TMEFF2: variants seen among roughly 807,000 people sequenced by gnomAD.
The protein encoded by TMEFF2 is transmembrane protein with EGF like and two follistatin like domains 2, also known as tomoregulin-2.
Under a neutral mutation model 53.8 loss-of-function variants are expected in TMEFF2, and 28 were observed. The ratio of observed to expected loss-of-function variants is 0.52; its 90% CI spans 0.39 to 0.71. The LOEUF (loss-of-function observed/expected upper bound fraction) is 0.71, where lower values mean the gene tolerates loss of function less well. Among genes scored for constraint, TMEFF2 ranks in the 30% least tolerant of loss-of-function variants. TMEFF2 has a pLI of 0.00. For missense variants in TMEFF2, 353 were observed against 455.2 expected (o/e 0.78, Z 2.04); for synonymous variants, 162 against 166.3 (o/e 0.97, Z 0.20).
chr2:191,997,422 G>A (rs1686250048), intron 7 of TMEFF2, among the ~76,000 whole-genome samples: 2 of 151,606 alleles, frequency 1.3e-5, no homozygotes, highest in African/African-American at 4.8e-5. Flanking sequence ...ATAGATGGTA[G>A]TATATATTTT....
intron 4 of TMEFF2, among the ~76,000 whole-genome samples, chr2:192,096,628 T>G (rs982542453): frequency 6.7e-6 from 1 of 148,696 alleles, no homozygotes; most frequent in Non-Finnish European, 1.5e-5. Context: ...GCTATTTCTT[T>G]TTTTCTTTTC....
intron 4 of TMEFF2, among the ~76,000 whole-genome samples, chr2:192,169,980 T>A (rs4992104): frequency 0.66 from 99,825 of 151,370 alleles, 33,046 homozygotes; most frequent in African/African-American, 0.71. Flanking sequence ...GATGCACTAT[T>A]TAACTGTACT....
intron 7 of TMEFF2, among the ~76,000 whole-genome samples, chr2:191,969,105 A>G (rs1189948272): frequency 3.4e-5 from 5 of 148,898 alleles, no homozygotes; most frequent in Non-Finnish European, 5.9e-5. Flanking sequence ...GTTTGTGTAT[A>G]TATGTATGTA....
intron 4 of TMEFF2, among the ~76,000 whole-genome samples, chr2:192,175,923 A>G (rs1691030553): frequency 6.6e-6 from 1 of 151,526 alleles, no homozygotes; most frequent in Non-Finnish European, 1.5e-5. Flanking sequence ...GGAGATATTC[A>G]TAGCATTGTC....
chr2:192,117,249 T>A (rs1177917653), intron 4 of TMEFF2, among the ~76,000 whole-genome samples: 1 of 152,136 alleles, frequency 6.6e-6, no homozygotes, highest in Non-Finnish European at 1.5e-5. Flanking sequence ...AAACTATACG[T>A]GATACTAGAA....
At chr2:192,092,451 C>T (rs1688811397) in intron 4 of TMEFF2, among the ~76,000 whole-genome samples, 1 of 152,048 alleles carries the variant, frequency 6.6e-6, no homozygotes, top group African/African-American at 2.4e-5. Context: ...AAATGATGTT[C>T]CATATTTTAC....
At chr2:192,162,223 T>A (rs999601694) in intron 4 of TMEFF2, among the ~76,000 whole-genome samples, 1 of 152,174 alleles carries the variant, frequency 6.6e-6, no homozygotes, top group East Asian at 1.9e-4. Context: ...CACATCACCA[T>A]CAGCCATGTT....
chr2:192,172,016 T>C (rs1299614086), intron 4 of TMEFF2, among the ~76,000 whole-genome samples: 1 of 151,982 alleles, frequency 6.6e-6, no homozygotes, highest in Non-Finnish European at 1.5e-5. Context: ...TAGCTTACAG[T>C]TGAGTCCCTC....
intron 4 of TMEFF2, among the ~76,000 whole-genome samples, chr2:192,154,130 G>C (rs142610435): frequency 2.6e-4 from 39 of 151,970 alleles, no homozygotes; most frequent in African/African-American, 8.7e-4. Flanking sequence ...CCTATGATTA[G>C]AGGAGTCCAA....
intron 2 of TMEFF2, among the ~76,000 whole-genome samples, chr2:192,190,171 A>C (rs1341023839): frequency 6.6e-6 from 1 of 152,062 alleles, no homozygotes; most frequent in African/African-American, 2.4e-5. Flanking sequence ...ATTTATTTTC[A>C]TTTCGTAGCA....
chr2:192,167,002 C>T (rs1203111304), intron 4 of TMEFF2, among the ~76,000 whole-genome samples: 1 of 152,078 alleles, frequency 6.6e-6, no homozygotes, highest in African/African-American at 2.4e-5. Context: ...TTATATATGG[C>T]TCTTGAAAAG....
intron 4 of TMEFF2, among the ~76,000 whole-genome samples, chr2:192,113,535 C>T (rs1321574006): frequency 1.3e-5 from 2 of 152,034 alleles, no homozygotes; most frequent in African/African-American, 4.8e-5. Context: ...TTTCTTTTCT[C>T]TGCATAGAAA....
At chr2:192,027,403 G>A (rs1186152303) in intron 5 of TMEFF2, among the ~76,000 whole-genome samples, 1 of 152,158 alleles carries the variant, frequency 6.6e-6, no homozygotes, top group Non-Finnish European at 1.5e-5. Context: ...ATATATCAGA[G>A]AGGAGCGCTA....
At chr2:192,001,775 T>A (rs914416489) in intron 5 of TMEFF2, among the ~76,000 whole-genome samples, 1 of 152,202 alleles carries the variant, frequency 6.6e-6, no homozygotes, top group Non-Finnish European at 1.5e-5. Context: ...TCTGCCATGA[T>A]TGTGAGGCCT....
intron 4 of TMEFF2, among the ~76,000 whole-genome samples, chr2:192,106,726 T>G (rs1322397398): frequency 1.3e-5 from 2 of 151,876 alleles, no homozygotes; most frequent in Admixed American, 1.3e-4. Flanking sequence ...GATGAATATA[T>G]TGTCCTAGTC....
At chr2:192,186,687 G>A (rs140157485) in intron 2 of TMEFF2, among the ~76,000 whole-genome samples, 108 of 152,086 alleles carry the variant, frequency 7.1e-4, no homozygotes, top group Non-Finnish European at 1.1e-3. Context: ...TTCTTGCCCC[G>A]GGCTACCTTT....
At chr2:192,056,783 T>A (rs879830031) in intron 5 of TMEFF2, among the ~76,000 whole-genome samples, 1 of 152,044 alleles carries the variant, frequency 6.6e-6, no homozygotes, top group Non-Finnish European at 1.5e-5. Flanking sequence ...GGTGAAGCCT[T>A]CATGAATGGG....
intron 4 of TMEFF2, among the ~76,000 whole-genome samples, chr2:192,116,648 T>C (rs760599946): frequency 6.6e-5 from 10 of 152,096 alleles, no homozygotes. Flanking sequence ...CTGAAAAGAT[T>C]GACAAAACAG....
At chr2:192,077,523 T>C (rs1257222542) in intron 4 of TMEFF2, among the ~76,000 whole-genome samples, 2 of 152,096 alleles carry the variant, frequency 1.3e-5, no homozygotes, top group East Asian at 3.9e-4. Context: ...TCTATTATAA[T>C]GAGAAACAAT....
Sources: gnomAD v4.1 joint callset for allele counts (sites outside exome capture counted in the v4.1 genomes callset) on GRCh38, gnomAD v4.1.1 for gene constraint, MANE v1.5 for transcripts, NCBI Gene and HGNC (gene_info 2026-07-23, HGNC 2026-07-21) for gene names.